The following EPS8 variants were observed in gnomAD, a reference collection of about 807,000 sequenced individuals.
EPS8 encodes epidermal growth factor receptor kinase substrate 8.
A neutral mutation model predicts 103.8 loss-of-function variants in EPS8; 42 were observed. The ratio of observed to expected loss-of-function variants is 0.40; its 90% CI spans 0.32 to 0.52. The LOEUF is 0.52. Ranked by LOEUF, EPS8 falls within the 20% of genes least tolerant of loss-of-function variation. The pLI, the probability that EPS8 is intolerant of heterozygous loss-of-function variation, is 0.40. For missense variants in EPS8, 969 were observed against 1,005.1 expected (o/e 0.96, Z 0.49); for synonymous variants, 344 against 344.6 (o/e 1.00, Z 0.02).
intron 1 of EPS8, among the ~76,000 whole-genome samples, chr12:15,722,034 C>A (rs948157801): frequency 2.0e-5 from 3 of 149,996 alleles, no homozygotes; most frequent in African/African-American, 7.4e-5. Context: ...CTCAAAGTAT[C>A]CTGAGAAGTC....
chr12:15,623,903 C>A (rs947263976), intron 19 of EPS8, among the ~76,000 whole-genome samples: 1 of 152,134 alleles, frequency 6.6e-6, no homozygotes, highest in African/African-American at 2.4e-5. Context: ...TCAGCTAAGA[C>A]CATGGTCCTA....
chr12:15,789,044 G>A lies in EPS8; in HGVS notation c.-22+117C>T, dbSNP rs1301189199. The A allele has an allele frequency of 6.6e-6, 1 of 152,196 alleles. No homozygotes were observed. Among genetic ancestry groups the A allele is most frequent in the Non-Finnish European group, 1.5e-5 (1 of 68,038 alleles). The allele number at this position is 152,196 out of a possible 1,614,324, so 9.4% of individuals were successfully genotyped here. A position where few individuals can be genotyped will look rare whatever the true frequency, so the allele number is the denominator to read the frequency against. The stretch of plus-strand genomic sequence containing the variant: ...GTTGAAAGCAGTCAAAGTGAAGGGA[G>A]GCGGACGCGGCTCCTGGCACCGCTC... On this transcript the variant is annotated intron_variant, in intron 1 of 20. Coordinates refer to ENST00000281172, the MANE Select transcript of EPS8 (RefSeq NM_004447.6). This position sits in a 1 kb window ranked among gnomAD's most constrained non-coding sequence, Gnocchi z 6.1.
Position 15,714,089 on chromosome 12 carries a change from A to C in EPS8, c.-21-31117T>G, listed in dbSNP as rs574231284. Among the ~76,000 whole-genome samples the C allele has an allele frequency of 2.0e-4, 31 of 152,262 alleles. No homozygotes were observed. In the South Asian group the frequency reaches 3.3e-3, roughly 16 times the overall value. ...CTTTGGGTAGAAAAACCAAACCAAA[A>C]CAAAACAAAACAAAAAACAATCCCC... On this transcript the variant is annotated intron_variant, in intron 1 of 20. Transcript: ENST00000281172. This position sits in a 1 kb window ranked among gnomAD's most constrained non-coding sequence, Gnocchi z 4.1.
At chr12:15,753,243 A>G (rs1946951919) in intron 1 of EPS8, among the ~76,000 whole-genome samples, 1 of 152,166 alleles carries the variant, frequency 6.6e-6, no homozygotes, top group Non-Finnish European at 1.5e-5. Context: ...TTTTAAAAAG[A>G]TTTTTTAATA....
In EPS8 at chr12:15,683,072, T is replaced by C. The variant is rs1946037486; in HGVS notation, c.-21-100A>G. Reference sequence around the variant, plus strand: ...AACAAATATGTGTTGCTGCCAGGAATTATAGTAGAAATGCAAAGATAAAGA... The same window carrying C: ...AACAAATATGTGTTGCTGCCAGGAACTATAGTAGAAATGCAAAGATAAAGA... On this transcript the variant is annotated intron_variant, in intron 1 of 20. Coordinates refer to ENST00000281172, the MANE Select transcript of EPS8 (RefSeq NM_004447.6). 5.1e-6 allele frequency: 3 copies of C among 582,550 alleles called. No individual in the cohort carries two copies. The South Asian group carries it at 7.2e-5, about 14-fold the overall frequency. The allele number at this position is 582,550 out of a possible 1,614,324, so 36.1% of individuals were successfully genotyped here. A position where few individuals can be genotyped will look rare whatever the true frequency, so the allele number is the denominator to read the frequency against.
intron 1 of EPS8, among the ~76,000 whole-genome samples, chr12:15,699,470 T>C (rs1477577837): frequency 6.6e-6 from 1 of 152,206 alleles, no homozygotes; most frequent in Admixed American, 6.5e-5. Context: ...AGTTCCTTTA[T>C]TTTCCTGCAG....
rs969633524 is a variant in EPS8, at chr12:15,735,412, T to C, written c.-21-52440A>G. Among the ~76,000 whole-genome samples the C allele has an allele frequency of 2.0e-5, 3 of 152,184 alleles. No homozygotes were observed. The highest frequency in any genetic ancestry group is 2.1e-4 in the South Asian group (1 of 4,834). On this transcript the variant is annotated intron_variant, in intron 1 of 20. Coordinates refer to ENST00000281172, the MANE Select transcript of EPS8 (RefSeq NM_004447.6). The surrounding 1 kb of genome is among the most constrained non-coding windows in gnomAD (Gnocchi z 4.4). ...GAAAAAATGAAGAGGAAAGAGATCA[T>C]GAAGGATCAAATATTGTCTTATGGC...
chr12:15,717,513 G>A lies in EPS8; in HGVS notation c.-21-34541C>T, dbSNP rs929694987. ...GAGGCAGCAGAATTGCTTAAGCCCC[G>A]GAGGCAGAGGTTGCAGTCAGCCGAG... On this transcript the variant is annotated intron_variant, in intron 1 of 20. Transcript: ENST00000281172. This position sits in a 1 kb window ranked among gnomAD's most constrained non-coding sequence, Gnocchi z 4.3. Among the ~76,000 whole-genome samples, 7 of 152,140 alleles carry A rather than the reference G, an allele frequency of 4.6e-5. No homozygotes were observed. Among genetic ancestry groups the A allele is most frequent in the East Asian group, 3.9e-4 (2 of 5,194 alleles).
intron 1 of EPS8, among the ~76,000 whole-genome samples, chr12:15,782,699 C>T (rs964416214): frequency 5.3e-5 from 8 of 152,108 alleles, no homozygotes; most frequent in East Asian, 1.9e-4. Context: ...TACACACACA[C>T]GATACATAGT....
Position 15,723,021 on chromosome 12 carries a change from C to A in EPS8, c.-21-40049G>T, listed in dbSNP as rs369658443. Reference sequence around the variant, plus strand: ...CACTTGTTTGAAAAAAAAAAACAAACAAAAAAAAAACATTTTTCAAGGCTG... The same window carrying A: ...CACTTGTTTGAAAAAAAAAAACAAAAAAAAAAAAAACATTTTTCAAGGCTG... On this transcript the variant is annotated intron_variant, in intron 1 of 20. Transcript: ENST00000281172. Among the ~76,000 whole-genome samples, 211 of 141,746 alleles carry A rather than the reference C, an allele frequency of 1.5e-3. 1 individual carries two copies. Among genetic ancestry groups the A allele is most frequent in the Admixed American group, 4.9e-3 (69 of 14,148 alleles). 93.0% of individuals were successfully genotyped at this position (141,746 alleles called of 152,430 possible). A position where few individuals can be genotyped will look rare whatever the true frequency, so the allele number is the denominator to read the frequency against.
In EPS8 at chr12:15,641,637, T is replaced by C. The variant is rs190807554; in HGVS notation, c.1677+85A>G. 8.5e-6 allele frequency: 5 copies of C among 586,382 alleles called. No individual in the cohort carries two copies. In the Admixed American group the frequency reaches 1.3e-4, roughly 15 times the overall value. 36.3% of individuals were successfully genotyped at this position (586,382 alleles called of 1,614,324 possible). A position where few individuals can be genotyped will look rare whatever the true frequency, so the allele number is the denominator to read the frequency against. On this transcript the variant is annotated intron_variant, in intron 16 of 20. Coordinates refer to ENST00000281172, the MANE Select transcript of EPS8 (RefSeq NM_004447.6). Reference sequence around the variant, plus strand: ...CTACGTCTTTAGTAATATAATACTTTTGAAGGAAAGTTTAGTTATATACCA... The same window carrying C: ...CTACGTCTTTAGTAATATAATACTTCTGAAGGAAAGTTTAGTTATATACCA...
Position 15,785,760 on chromosome 12 carries a change from T to C in EPS8, c.-22+3401A>G, listed in dbSNP as rs1383609964. Among the ~76,000 whole-genome samples, 1 of 151,932 alleles carries C rather than the reference T, an allele frequency of 6.6e-6. No homozygotes were observed. The highest frequency in any genetic ancestry group is 2.4e-5 in the African/African-American group (1 of 41,332). ...GTGGCAAGATGTATACAGATGAACC[T>C]AGAGCATCTCATAATACCAGAAAGT... is the stretch of plus-strand genomic sequence containing the variant. On this transcript the variant is annotated intron_variant, in intron 1 of 20. Transcript: ENST00000281172. This position sits in a 1 kb window ranked among gnomAD's most constrained non-coding sequence, Gnocchi z 4.9.
In EPS8 at chr12:15,688,494, T is replaced by C. The variant is rs1194570270; in HGVS notation, c.-21-5522A>G. On this transcript the variant is annotated intron_variant, in intron 1 of 20. Coordinates refer to ENST00000281172, the MANE Select transcript of EPS8 (RefSeq NM_004447.6). This position sits in a 1 kb window ranked among gnomAD's most constrained non-coding sequence, Gnocchi z 5.1. The stretch of plus-strand genomic sequence containing the variant: ...ACCAGCCTGGCTTGCCACGCCCCCA[T>C]TTTGTGCCTATAAACACCCTGAGAA... 1.3e-5 allele frequency among the ~76,000 whole-genome samples: 2 copies of C among 152,120 alleles called. No homozygotes were observed. The highest frequency in any genetic ancestry group is 2.9e-5 in the Non-Finnish European group (2 of 68,032).
chr12:15,668,096 C>T (rs1339703322), intron 6 of EPS8, among the ~76,000 whole-genome samples: 1 of 152,038 alleles, frequency 6.6e-6, no homozygotes, highest in Non-Finnish European at 1.5e-5. Flanking sequence ...AAAATATTCC[C>T]TTTAATATTT....
At chr12:15,632,572 T>C (rs1565468901) in intron 17 of EPS8, among the ~76,000 whole-genome samples, 1 of 152,232 alleles carries the variant, frequency 6.6e-6, no homozygotes, top group Non-Finnish European at 1.5e-5. Flanking sequence ...AAAGTTTAGA[T>C]ACTGCACTGG....
intron 3 of EPS8, among the ~76,000 whole-genome samples, chr12:15,678,180 A>C (rs1023765161): frequency 6.6e-6 from 1 of 152,114 alleles, no homozygotes; most frequent in African/African-American, 2.4e-5. Flanking sequence ...CTAAAAAAAA[A>C]CTTCAACTAG....
At chr12:15,625,464 C>G (rs1251943100) in intron 18 of EPS8, among the ~76,000 whole-genome samples, 1 of 152,126 alleles carries the variant, frequency 6.6e-6, no homozygotes, top group South Asian at 2.1e-4. Context: ...CCTTTTACAG[C>G]AAAGTTCACG....
intron 3 of EPS8, among the ~76,000 whole-genome samples, chr12:15,676,079 T>C (rs1167890131): frequency 1.3e-5 from 2 of 152,078 alleles, no homozygotes; most frequent in Non-Finnish European, 2.9e-5. Context: ...GAGACCATCC[T>C]GGCTAACACG....
intron 1 of EPS8, among the ~76,000 whole-genome samples, chr12:15,730,414 A>G (rs542927115): frequency 1.1e-4 from 17 of 152,190 alleles, no homozygotes; most frequent in Admixed American, 3.3e-4. Flanking sequence ...TTTTTTTAGC[A>G]CTTGATTCCA....
Sources: gnomAD v4.1 joint callset for allele counts (sites outside exome capture counted in the v4.1 genomes callset) on GRCh38, gnomAD v4.1.1 for gene constraint, Gnocchi (gnomAD v3.1) non-coding constraint, MANE v1.5 for transcripts, NCBI Gene and HGNC (gene_info 2026-07-23, HGNC 2026-07-21) for gene names.